Variants in TMEM278 observed in about 807,000 individuals in gnomAD.
TMEM278 encodes transmembrane protein 278.
chr1:1,427,770 C>G, the TMEM278 span: 3 of 1,355,854 alleles, frequency 2.2e-6, no homozygotes, highest in African/African-American at 4.8e-5. Flanking sequence ...GGACGAGCAA[C>G]TCTGCGCCTG....
At chr1:1,427,064 A>C in the TMEM278 span, among the ~76,000 whole-genome samples, 1 of 98,766 alleles carries the variant, frequency 1.0e-5, no homozygotes. Context: ...CTAATCCTTC[A>C]TCCCTCCATC....
the TMEM278 span, chr1:1,427,854 C>A: frequency 7.7e-7 from 1 of 1,302,108 alleles, no homozygotes; most frequent in Non-Finnish European, 9.8e-7. Context: ...CGTGGCCCGG[C>A]CCGGAAAACT....
At chr1:1,427,395 C>CCA in the TMEM278 span, among the ~76,000 whole-genome samples, 2 of 35,406 alleles carry the variant, frequency 5.6e-5, no homozygotes, top group South Asian at 1.2e-3. Flanking sequence ...CTGCTCCCCT[C>CCA]TTCTCCCCCT....
chr1:1,429,886 G>C, the TMEM278 span, among the ~76,000 whole-genome samples: 2 of 152,220 alleles, frequency 1.3e-5, no homozygotes, highest in African/African-American at 4.8e-5. Flanking sequence ...CTTAGAGACA[G>C]AGTCTTGCTC....
chr1:1,429,632 T>C, the TMEM278 span, among the ~76,000 whole-genome samples: 2 of 152,186 alleles, frequency 1.3e-5, no homozygotes, highest in Admixed American at 6.5e-5. Flanking sequence ...TCGGAGACAA[T>C]TCTGAGGTCC....
At chr1:1,426,043 G>A in the TMEM278 span, 3 of 1,274,462 alleles carry the variant, frequency 2.4e-6, no homozygotes, top group African/African-American at 4.7e-5. Context: ...ACGTGGGGCG[G>A]GGTTAAAGGT....
the TMEM278 span, chr1:1,427,593 T>A: frequency 8.6e-7 from 1 of 1,165,334 alleles, no homozygotes; most frequent in South Asian, 2.3e-5. Context: ...CGCGCTGTTC[T>A]CAGACCGCGG....
chr1:1,427,529 C>CA, the TMEM278 span: 2 of 998,956 alleles, frequency 2.0e-6, no homozygotes, highest in Non-Finnish European at 2.3e-6. Flanking sequence ...CCCCGCCCCC[C>CA]ACTGACGGCC....
chr1:1,427,636 C>G, the TMEM278 span: 3 of 1,342,004 alleles, frequency 2.2e-6, no homozygotes, highest in South Asian at 3.6e-5. Flanking sequence ...GGGCTTCTCT[C>G]GCTGCCGCCG....
the TMEM278 span, chr1:1,427,864 T>C: frequency 1.6e-6 from 2 of 1,263,134 alleles, no homozygotes; most frequent in Non-Finnish European, 1.0e-6. Flanking sequence ...CCCGGAAAAC[T>C]GAGGGTCGCC....
chr1:1,426,137 C>T, the TMEM278 span: 2 of 1,403,526 alleles, frequency 1.4e-6, no homozygotes, highest in Non-Finnish European at 1.9e-6. Flanking sequence ...CATGAGTGAG[C>T]AGGGGAGGGA....
chr1:1,428,098 A>G, the TMEM278 span, among the ~76,000 whole-genome samples: 2 of 834 alleles, frequency 2.4e-3, no homozygotes, highest in African/African-American at 0.011. Flanking sequence ...AGGGGAGGGG[A>G]AGAGAGGGGA....
chr1:1,428,294 C>A, the TMEM278 span, among the ~76,000 whole-genome samples: 1 of 151,968 alleles, frequency 6.6e-6, no homozygotes, highest in Non-Finnish European at 1.5e-5. Flanking sequence ...GTCCCGGCCT[C>A]CATCGTCCAG....
the TMEM278 span, among the ~76,000 whole-genome samples, chr1:1,429,039 G>T: frequency 7.2e-5 from 11 of 151,832 alleles, no homozygotes; most frequent in Admixed American, 7.2e-4. Context: ...CGTGGTGGTG[G>T]GCACCTATAA....
the TMEM278 span, among the ~76,000 whole-genome samples, chr1:1,427,191 T>C: frequency 6.9e-6 from 1 of 144,604 alleles, no homozygotes; most frequent in Non-Finnish European, 1.5e-5. Flanking sequence ...CCGTCTCCCT[T>C]TGCCGTGGCC....
the TMEM278 span, among the ~76,000 whole-genome samples, chr1:1,427,397 T>C: frequency 3.8e-3 from 3 of 792 alleles, no homozygotes; most frequent in East Asian, 0.025. Flanking sequence ...GCTCCCCTCT[T>C]CTCCCCCTTC....
the TMEM278 span, among the ~76,000 whole-genome samples, chr1:1,427,167 C>G: frequency 1.3e-5 from 2 of 148,840 alleles, no homozygotes; most frequent in Admixed American, 6.7e-5. Context: ...TCCTCTCTCC[C>G]GCCCTGCACC....
chr1:1,426,718 C>T, the TMEM278 span, among the ~76,000 whole-genome samples: 2 of 152,092 alleles, frequency 1.3e-5, no homozygotes, highest in African/African-American at 2.4e-5. Context: ...CACTAACCCA[C>T]AGCCCCCAGC....
chr1:1,428,588 CCA>C, the TMEM278 span, among the ~76,000 whole-genome samples: 1 of 152,228 alleles, frequency 6.6e-6, no homozygotes, highest in African/African-American at 2.4e-5. Flanking sequence ...ACAATTGTGT[CCA>C]GTTTCACCAC....
Sources: allele counts gnomAD v4.1 joint callset (sites outside exome capture counted in the v4.1 genomes callset), GRCh38; gene constraint gnomAD v4.1.1; transcripts MANE v1.5; gene names NCBI Gene and HGNC (gene_info 2026-07-23, HGNC 2026-07-21).